The following TRABD2B variants were observed in gnomAD, a reference collection of about 807,000 sequenced individuals.
TRABD2B encodes TraB domain containing 2B.
Under a neutral mutation model 40.1 loss-of-function variants are expected in TRABD2B, and 14 were observed. The observed-to-expected ratio is 0.35, with a 90% confidence interval of 0.23 to 0.55. TRABD2B has a LOEUF of 0.55. TRABD2B is among the 20% of genes least tolerant of loss of function. TRABD2B has a pLI of 0.90. For synonymous variants in TRABD2B, 263 were observed against 277.0 expected (o/e 0.95, Z 0.50); for missense variants, 541 against 648.6 (o/e 0.83, Z 1.80).
At chr1:47,795,501 C>T (rs532955580) in intron 3 of TRABD2B, 64 of 214,224 alleles carry the variant, frequency 3.0e-4, no homozygotes, top group African/African-American at 1.2e-3. Flanking sequence ...CCTGGTACAG[C>T]GGGAAGGCCA....
intron 4 of TRABD2B, among the ~76,000 whole-genome samples, chr1:47,781,465 C>A (rs971218379): frequency 6.6e-6 from 1 of 152,220 alleles, no homozygotes; most frequent in South Asian, 2.1e-4. Flanking sequence ...CAGGCCTCAC[C>A]GGATGCCCAC....
At chr1:47,797,515 G>A (rs1246205761) in intron 3 of TRABD2B, among the ~76,000 whole-genome samples, 7 of 152,122 alleles carry the variant, frequency 4.6e-5, no homozygotes, top group Non-Finnish European at 1.0e-4. Flanking sequence ...GACCACAAAT[G>A]TGCATGTACA....
intron 2 of TRABD2B, among the ~76,000 whole-genome samples, chr1:47,982,674 T>C (rs1024763554): frequency 6.6e-6 from 1 of 152,180 alleles, no homozygotes; most frequent in African/African-American, 2.4e-5. Flanking sequence ...AGGCACCAAA[T>C]AGCAATGGCT....
At position 47,997,197 on chromosome 1, in the gene TRABD2B, G is replaced by T; in HGVS notation, c.-408C>A. On this transcript the variant is annotated 5_prime_UTR_variant, in exon 1 of 7. Coordinates refer to ENST00000606738, the MANE Select transcript of TRABD2B (RefSeq NM_001194986.2). ...TGCTGGGCACCCGGGGCACGCAAGGGTCCCAGGGGTGCGCGGCGCTCCAGG... is the reference window on the plus strand; with the variant it reads ...TGCTGGGCACCCGGGGCACGCAAGGTTCCCAGGGGTGCGCGGCGCTCCAGG... 7.1e-6 allele frequency: 7 copies of T among 983,496 alleles called. No individual in the cohort carries two copies. Among genetic ancestry groups the T allele is most frequent in the Non-Finnish European group, 8.4e-6 (7 of 829,238 alleles). The allele number at this position is 983,496 out of a possible 1,614,324, so 60.9% of individuals were successfully genotyped here.
At chr1:47,982,990 C>T (rs1645862639) in intron 2 of TRABD2B, among the ~76,000 whole-genome samples, 1 of 152,182 alleles carries the variant, frequency 6.6e-6, no homozygotes, top group Non-Finnish European at 1.5e-5. Flanking sequence ...ACTGTCTATA[C>T]CCAGAGGACT....
chr1:47,781,118 C>T (rs1644515649), intron 4 of TRABD2B, among the ~76,000 whole-genome samples: 1 of 152,214 alleles, frequency 6.6e-6, no homozygotes, highest in Non-Finnish European at 1.5e-5. Flanking sequence ...CCCACAGCAC[C>T]ATAAAGCTGG....
In TRABD2B at chr1:47,798,940, C is replaced by T. The variant is rs182764046; in HGVS notation, c.813+2533G>A. Among the ~76,000 whole-genome samples the T allele has an allele frequency of 1.6e-3, 239 of 152,330 alleles. 1 individual carries two copies. The highest frequency in any genetic ancestry group is 2.6e-3 in the Non-Finnish European group (177 of 68,020). ...CTTGGGGTAGGGTTGCCTAGCCCCTCCTCAAGCGACTAGATTCTATCTGTG... is the reference window on the plus strand; with the variant it reads ...CTTGGGGTAGGGTTGCCTAGCCCCTTCTCAAGCGACTAGATTCTATCTGTG... On this transcript the variant is annotated intron_variant, in intron 3 of 6. Coordinates refer to ENST00000606738, the MANE Select transcript of TRABD2B (RefSeq NM_001194986.2).
At chr1:47,767,751 T>C (rs578152008) in intron 6 of TRABD2B, among the ~76,000 whole-genome samples, 8 of 152,350 alleles carry the variant, frequency 5.3e-5, no homozygotes, top group Non-Finnish European at 1.0e-4. Context: ...GTCTGCAGCA[T>C]GCGTGCCTTC....
chr1:47,828,168 G>T (rs761833978), intron 2 of TRABD2B, among the ~76,000 whole-genome samples: 1 of 152,182 alleles, frequency 6.6e-6, no homozygotes, highest in Non-Finnish European at 1.5e-5. Context: ...CTAGATAGCC[G>T]ATGTTTCCTC....
At chr1:47,878,042 C>T (rs898740694) in intron 2 of TRABD2B, among the ~76,000 whole-genome samples, 3 of 151,360 alleles carry the variant, frequency 2.0e-5, no homozygotes, top group African/African-American at 4.9e-5. Flanking sequence ...TGGTCGGGCA[C>T]GGTGGCTTAC....
chr1:47,889,131 C>T (rs1272217784), intron 2 of TRABD2B, among the ~76,000 whole-genome samples: 1 of 152,206 alleles, frequency 6.6e-6, no homozygotes. Context: ...CAGCCCAGTG[C>T]ACAGAAAGAA....
chr1:47,767,913 G>A (rs760875458), intron 6 of TRABD2B, among the ~76,000 whole-genome samples: 18 of 152,184 alleles, frequency 1.2e-4, no homozygotes, highest in Non-Finnish European at 2.2e-4. Flanking sequence ...CTAAGTCCAG[G>A]CCACCGTCCT....
intron 2 of TRABD2B, among the ~76,000 whole-genome samples, chr1:47,992,175 T>G (rs971750964): frequency 6.6e-6 from 1 of 152,218 alleles, no homozygotes; most frequent in African/African-American, 2.4e-5. Flanking sequence ...GGGCCCAGGC[T>G]GGTGATGGGT....
intron 4 of TRABD2B, among the ~76,000 whole-genome samples, chr1:47,792,079 A>G (rs1644681128): frequency 6.6e-6 from 1 of 152,200 alleles, no homozygotes; most frequent in African/African-American, 2.4e-5. Flanking sequence ...TGTTCCAGGC[A>G]TGGCTGAGCC....
intron 2 of TRABD2B, among the ~76,000 whole-genome samples, chr1:47,884,758 G>A (rs188325462): frequency 4.6e-5 from 7 of 152,070 alleles, no homozygotes; most frequent in African/African-American, 1.7e-4. Context: ...TGGGACTACA[G>A]GTGCGCGCCA....
At chr1:47,993,918 G>C in intron 2 of TRABD2B, 116 bp downstream of exon 2, 1 of 1,104,350 alleles carries the variant, frequency 9.1e-7, no homozygotes, top group Non-Finnish European at 1.3e-6. Context: ...TCTCCTTCCA[G>C]AAAAAGGACC....
chr1:47,879,819 G>A (rs770526879), intron 2 of TRABD2B, among the ~76,000 whole-genome samples: 22 of 152,360 alleles, frequency 1.4e-4, no homozygotes, highest in Admixed American at 3.3e-4. Context: ...AGTCCAAATG[G>A]TTGATGCAGT....
intron 2 of TRABD2B, among the ~76,000 whole-genome samples, chr1:47,978,049 C>T (rs889331498): frequency 1.3e-5 from 2 of 152,070 alleles, no homozygotes; most frequent in Non-Finnish European, 2.9e-5. Flanking sequence ...ATTTGTGTCC[C>T]TCCCCAACCC....
intron 2 of TRABD2B, among the ~76,000 whole-genome samples, chr1:47,843,726 G>C (rs557133625): frequency 1.3e-5 from 2 of 152,126 alleles, no homozygotes; most frequent in African/African-American, 2.4e-5. Context: ...GAAGACAGAG[G>C]GGTGGCCCGA....
Sources: gnomAD v4.1 joint callset for allele counts (sites outside exome capture counted in the v4.1 genomes callset) on GRCh38, gnomAD v4.1.1 for gene constraint, MANE v1.5 for transcripts, NCBI Gene and HGNC (gene_info 2026-07-23, HGNC 2026-07-21) for gene names.